ANKFN1: variants seen among roughly 807,000 people sequenced by gnomAD.
The protein encoded by ANKFN1 is ankyrin repeat and fibronectin type III domain containing 1.
Under a neutral mutation model 108.7 loss-of-function variants are expected in ANKFN1, and 74 were observed. The ratio of observed to expected loss-of-function variants is 0.68; its 90% CI spans 0.56 to 0.83. ANKFN1 has a LOEUF of 0.83. Among genes scored for constraint, ANKFN1 ranks in the 40% least tolerant of loss-of-function variants. The pLI is 0.00. For synonymous variants in ANKFN1, 547 were observed against 516.2 expected, an observed-to-expected ratio of 1.06 and a Z score of -0.81; for missense variants, 1,505 against 1,382.3, an observed-to-expected ratio of 1.09 and a Z score of -1.41.
chr17:56,258,926 A>G lies in ANKFN1; in HGVS notation c.53+30969A>G, dbSNP rs909054382. 1.6e-4 allele frequency among the ~76,000 whole-genome samples: 24 copies of G among 151,944 alleles called. 1 individual carries two copies. Among genetic ancestry groups the G allele is most frequent in the Admixed American group, 1.6e-3 (24 of 15,260 alleles). ...ACTCCGTCTCGAAAAATAAATAAGT[A>G]AATAAATAAATAAATAAATAAATGG... On this transcript the variant is annotated intron_variant, in intron 3 of 20. Transcript: ENST00000682825.
At chr17:56,454,245 A>G (rs2049602182) in intron 11 of ANKFN1, among the ~76,000 whole-genome samples, 1 of 151,944 alleles carries the variant, frequency 6.6e-6, no homozygotes, top group Non-Finnish European at 1.5e-5. Flanking sequence ...TAAGCCTTCT[A>G]TTCGGTTTCT....
At chr17:56,406,603 T>C (rs1442377124) in intron 8 of ANKFN1, among the ~76,000 whole-genome samples, 1 of 152,182 alleles carries the variant, frequency 6.6e-6, no homozygotes, top group Non-Finnish European at 1.5e-5. Flanking sequence ...ATGTGACACA[T>C]GCAGTTAATT....
At chr17:56,288,506 T>G (rs1283591518) in intron 3 of ANKFN1, among the ~76,000 whole-genome samples, 1 of 152,190 alleles carries the variant, frequency 6.6e-6, no homozygotes, top group Non-Finnish European at 1.5e-5. Flanking sequence ...GTAACTTAAT[T>G]ATTCTTACAA....
intron 4 of ANKFN1, among the ~76,000 whole-genome samples, chr17:56,125,935 G>A (rs1216524420): frequency 6.6e-6 from 1 of 152,180 alleles, no homozygotes; most frequent in Non-Finnish European, 1.5e-5. Flanking sequence ...CCGGGGTCAT[G>A]TTTTCCCTTC....
At chr17:56,488,283 T>C (rs2050918278) in intron 18 of ANKFN1, among the ~76,000 whole-genome samples, 1 of 152,078 alleles carries the variant, frequency 6.6e-6, no homozygotes, top group Non-Finnish European at 1.5e-5. Flanking sequence ...GGTGGGGGTA[T>C]AGAAGAGAGA....
intron 4 of ANKFN1, among the ~76,000 whole-genome samples, chr17:56,061,701 C>CA (rs139734825): frequency 0.033 from 5,009 of 152,096 alleles, 266 homozygotes; most frequent in African/African-American, 0.11. Flanking sequence ...TTAAATTGTT[C>CA]AAAAAACACC....
Position 56,257,258 on chromosome 17 carries a change from C to T in ANKFN1, c.53+29301C>T, listed in dbSNP as rs192701642. On this transcript the variant is annotated intron_variant, in intron 3 of 20. Transcript: ENST00000682825. ...ATGTCATTTCTCTACTAAGAAAAAC[C>T]GACACTAGAGGGCTAAGTTAATGAT... Among the ~76,000 whole-genome samples the T allele has an allele frequency of 4.7e-4, 72 of 152,176 alleles. 3 individuals are homozygous for T. The East Asian group carries it at 8.7e-3, about 18-fold the overall frequency.
chr17:56,411,327 T>A (rs1356153033), intron 8 of ANKFN1, among the ~76,000 whole-genome samples: 5 of 152,224 alleles, frequency 3.3e-5, no homozygotes, highest in African/African-American at 9.6e-5. Flanking sequence ...CTAATTTTTT[T>A]AAATTTGATT....
rs776135988 is a variant in ANKFN1 at position 56,442,898 on chromosome 17, C to T, written c.1064C>T (p.Ala355Val). 6.2e-7 allele frequency: 1 copy of T among 1,613,680 alleles called. No homozygotes were observed. The highest frequency in any genetic ancestry group is 1.3e-5 in the African/African-American group (1 of 74,900). ...SAYNMKGWGP[A>V]QTTTPACASP... The stretch of plus-strand genomic sequence containing the variant: ...TACAATATGAAAGGATGGGGACCTG[C>T]TCAGACCACGACACCGGCATGTGCC... The change falls in exon 10 of 21, where the codon GCT (alanine) becomes GTT (valine). Residue 355 changes from alanine to valine, a missense_variant. Transcript: ENST00000682825.
At chr17:56,223,452 A>C (rs1405840661) in intron 2 of ANKFN1, among the ~76,000 whole-genome samples, 1 of 152,210 alleles carries the variant, frequency 6.6e-6, no homozygotes, top group Non-Finnish European at 1.5e-5. Context: ...GTCATTTATA[A>C]ATAAACACGC....
intron 4 of ANKFN1, among the ~76,000 whole-genome samples, chr17:56,133,315 T>G (rs1239680379): frequency 6.6e-6 from 1 of 152,204 alleles, no homozygotes; most frequent in South Asian, 2.1e-4. Context: ...AGCTTGCATG[T>G]GCACTATGAC....
chr17:56,282,451 A>G (rs1047713886), intron 3 of ANKFN1, among the ~76,000 whole-genome samples: 4 of 152,172 alleles, frequency 2.6e-5, no homozygotes, highest in African/African-American at 4.8e-5. Flanking sequence ...TAAAATTTGT[A>G]TGTAAGCATA....
intron 1 of ANKFN1, among the ~76,000 whole-genome samples, chr17:56,188,581 G>GTGTATATATATATATA (rs1212242378): frequency 2.2e-3 from 109 of 49,622 alleles, no homozygotes; most frequent in Admixed American, 3.4e-3. Context: ...GTGTGTGTGT[G>GTGTATATATATATATA]TATATATATA....
rs141983010 is a variant in ANKFN1, at chr17:56,227,958, G to A, written c.53+1G>A. ...ACAGGCATTTTACTTGCAGCAAAAT[G>A]TAAGTACATTTCCTCCTTGAAATGG... On this transcript the variant is annotated splice_donor_variant, in intron 3 of 20. Transcript: ENST00000682825. LOFTEE classifies it high-confidence loss of function. 4.6e-5 allele frequency: 74 copies of A among 1,605,502 alleles called. No homozygotes were observed. Among genetic ancestry groups the A allele is most frequent in the Non-Finnish European group, 5.6e-5 (66 of 1,177,118 alleles).
intron 1 of ANKFN1, among the ~76,000 whole-genome samples, chr17:56,203,400 T>G (rs566599830): frequency 6.6e-6 from 1 of 152,284 alleles, no homozygotes; most frequent in Admixed American, 6.5e-5. Flanking sequence ...GCTCCCCTCA[T>G]GGTGCTTTTC....
intron 8 of ANKFN1, among the ~76,000 whole-genome samples, chr17:56,426,957 A>G (rs2048589090): frequency 6.6e-6 from 1 of 152,158 alleles, no homozygotes; most frequent in African/African-American, 2.4e-5. Context: ...TGAAGATTGA[A>G]TTTTTCAGGA....
At chr17:56,313,533 G>A (rs1189392960) in intron 3 of ANKFN1, among the ~76,000 whole-genome samples, 3 of 152,148 alleles carry the variant, frequency 2.0e-5, no homozygotes, top group Non-Finnish European at 4.4e-5. Context: ...GGTGGAAAGA[G>A]GATGGCTCTC....
chr17:56,131,250 TTTTC>T (rs1226072227), intron 4 of ANKFN1, among the ~76,000 whole-genome samples: 3 of 152,346 alleles, frequency 2.0e-5, no homozygotes, highest in Admixed American at 6.5e-5. Flanking sequence ...CTGTTTATTA[TTTTC>T]TTTCTTATGT....
chr17:56,111,210 A>C (rs559238113), intron 4 of ANKFN1, among the ~76,000 whole-genome samples: 1 of 152,240 alleles, frequency 6.6e-6, no homozygotes, highest in East Asian at 1.9e-4. Context: ...TCTCTTCCCC[A>C]CTGGCTTGGG....
Sources: allele counts gnomAD v4.1 joint callset (sites outside exome capture counted in the v4.1 genomes callset), GRCh38; gene constraint gnomAD v4.1.1; transcripts MANE v1.5; gene names NCBI Gene and HGNC (gene_info 2026-07-23, HGNC 2026-07-21).